Variants in PRRC2B observed in about 807,000 individuals in gnomAD.
PRRC2B encodes the protein proline rich coiled-coil 2B, also known as protein PRRC2B.
PRRC2B carries 68 observed loss-of-function variants against 242.3 expected under a neutral mutation model. The observed-to-expected ratio is 0.28, with a 90% confidence interval of 0.23 to 0.34. The LOEUF (loss-of-function observed/expected upper bound fraction) is 0.34, where lower values mean the gene tolerates loss of function less well. Among genes scored for constraint, PRRC2B ranks in the 10% least tolerant of loss-of-function variants. The pLI, the probability that PRRC2B is intolerant of heterozygous loss-of-function variation, is 1.00. For missense variants in PRRC2B, 2,835 were observed against 2,954.8 expected, an observed-to-expected ratio of 0.96 and a Z score of 0.94; for synonymous variants, 1,228 against 1,173.6, an observed-to-expected ratio of 1.05 and a Z score of -0.95.
intron 1 of PRRC2B, among the ~76,000 whole-genome samples, chr9:131,406,593 C>CT (rs1183991420): frequency 6.6e-6 from 1 of 152,152 alleles, no homozygotes; most frequent in African/African-American, 2.4e-5. Flanking sequence ...TCTTTTGCTC[C>CT]TTTAAGTCTC....
chr9:131,389,103 A>C (rs1179717308), upstream of PRRC2B, among the ~76,000 whole-genome samples: 4 of 149,344 alleles, frequency 2.7e-5, no homozygotes, highest in African/African-American at 9.8e-5. Context: ...TGGCCTCCCA[A>C]AGTGCTGGGA....
intron 15 of PRRC2B, 128 bp from the exon 16 acceptor site, chr9:131,474,326 C>T (rs752214527): frequency 2.0e-5 from 16 of 796,084 alleles, no homozygotes; most frequent in East Asian, 2.7e-5. Context: ...GTTTTTCTAG[C>T]TTTCTTTTTA....
chr9:131,457,319 G>T (rs1355507178), intron 10 of PRRC2B, among the ~76,000 whole-genome samples: 1 of 152,220 alleles, frequency 6.6e-6, no homozygotes, highest in African/African-American at 2.4e-5. Flanking sequence ...AACTCTTAGA[G>T]ACTGATTGGA....
At chr9:131,484,034 G>A (rs994521947) in intron 23 of PRRC2B, among the ~76,000 whole-genome samples, 1 of 152,232 alleles carries the variant, frequency 6.6e-6, no homozygotes, top group Middle Eastern at 3.2e-3. Context: ...GAATGTGAGT[G>A]CTGTACAATA....
At chr9:131,443,044 A>G (rs1347773764) in intron 5 of PRRC2B, among the ~76,000 whole-genome samples, 1 of 152,242 alleles carries the variant, frequency 6.6e-6, no homozygotes, top group Non-Finnish European at 1.5e-5. Context: ...ACTCATGTGT[A>G]TAAATCTAAT....
Position 131,465,072 on chromosome 9 carries a change from C to T in PRRC2B, c.1714C>T (p.His572Tyr), listed in dbSNP as rs779728998. ...ASPQENGPAV[H>Y]KGSPEFPAQE... Reference sequence around the variant, plus strand: ...TCCCCAGGAAAACGGCCCTGCTGTCCACAAAGGTAAGAGCTGGGCCGTCTT... The same window carrying T: ...TCCCCAGGAAAACGGCCCTGCTGTCTACAAAGGTAAGAGCTGGGCCGTCTT... The change falls in exon 12 of 32, where the codon CAC (histidine) becomes TAC (tyrosine). Residue 572 changes from histidine to tyrosine, a missense_variant. His to Tyr is a moderately conservative substitution (Grantham distance 83). Coordinates refer to ENST00000683519, the MANE Select transcript of PRRC2B (RefSeq NM_013318.4). 17 of 1,612,048 alleles carry T rather than the reference C, an allele frequency of 1.1e-5. No individual in the cohort carries two copies. Among genetic ancestry groups the T allele is most frequent in the Non-Finnish European group, 1.4e-5 (16 of 1,178,598 alleles).
intron 5 of PRRC2B, among the ~76,000 whole-genome samples, chr9:131,439,748 C>T (rs1220166387): frequency 6.6e-6 from 1 of 152,140 alleles, no homozygotes. Context: ...CCAGCTTCTC[C>T]CAAGGGGCTG....
At chr9:131,488,268 CCT>C (rs1491284598) in intron 28 of PRRC2B, among the ~76,000 whole-genome samples, 172 bp downstream of exon 28, 1 of 66,948 alleles carries the variant, frequency 1.5e-5, no homozygotes, top group Non-Finnish European at 3.5e-5. Context: ...AGCCCCATCA[CCT>C]TTTTTTTTTT....
At chr9:131,408,145 C>T (rs1263935585) in intron 1 of PRRC2B, among the ~76,000 whole-genome samples, 2 of 152,190 alleles carry the variant, frequency 1.3e-5, no homozygotes, top group African/African-American at 2.4e-5. Flanking sequence ...TGTTCTCTGC[C>T]TGTCTGGGCA....
chr9:131,439,297 C>T, intron 5 of PRRC2B, among the ~76,000 whole-genome samples: 1 of 152,176 alleles, frequency 6.6e-6, no homozygotes, highest in East Asian at 1.9e-4. Flanking sequence ...GCTGACTGGG[C>T]TGTGCTGCTG....
intron 1 of PRRC2B, among the ~76,000 whole-genome samples, chr9:131,404,943 A>C (rs1209201171): frequency 1.3e-5 from 2 of 152,108 alleles, no homozygotes; most frequent in African/African-American, 4.8e-5. Flanking sequence ...TGCAGTGTGG[A>C]CTCTTCAACT....
intron 18 of PRRC2B, 30 bp downstream of exon 18, chr9:131,478,649 G>GGGGGGGGGGGGGGGCCCGGGGC: frequency 2.0e-6 from 1 of 504,562 alleles, no homozygotes; most frequent in Non-Finnish European, 4.0e-6. Context: ...GGGGCATGGG[G>GGGGGGGGGGGGGGGCCCGGGGC]CTGGAGGGCA....
intron 19 of PRRC2B, among the ~76,000 whole-genome samples, chr9:131,480,601 A>G (rs970737231): frequency 2.6e-5 from 4 of 151,752 alleles, no homozygotes; most frequent in Non-Finnish European, 5.9e-5. Context: ...CTTGGATATT[A>G]AAATAGCATG....
chr9:131,466,763 G>A (rs1311887645), intron 12 of PRRC2B, among the ~76,000 whole-genome samples: 2 of 152,034 alleles, frequency 1.3e-5, no homozygotes, highest in Non-Finnish European at 2.9e-5. Context: ...GGGATTACAG[G>A]CGAGCGCCAC....
intron 9 of PRRC2B, among the ~76,000 whole-genome samples, chr9:131,450,275 T>G (rs1325002542): frequency 6.6e-6 from 1 of 152,048 alleles, no homozygotes; most frequent in Non-Finnish European, 1.5e-5. Context: ...AAATTTTTTT[T>G]TTTTTTTCCC....
At chr9:131,390,476 CTT>C (rs10688559), upstream of PRRC2B, among the ~76,000 whole-genome samples, 1 of 41,208 alleles carries the variant, frequency 2.4e-5, no homozygotes, top group Non-Finnish European at 4.1e-5. Context: ...CCTAGCTTGC[CTT>C]TTTTTTTTTT....
At position 131,485,107 on chromosome 9, in the gene PRRC2B, G is replaced by A. The variant is rs1315969562; in HGVS notation, c.5725G>A (p.Val1909Met). The change falls in exon 25 of 32, where the codon GTG (valine) becomes ATG (methionine). Residue 1909 changes from valine (V) to methionine (M), a missense_variant. By Grantham distance (21) the Val-to-Met change is conservative (BLOSUM62 1). Coordinates refer to ENST00000683519, the MANE Select transcript of PRRC2B (RefSeq NM_013318.4). ...FGGVSMPPMP[V>M]ASVAPSASMP... ...TGGAGTGTCCATGCCACCCATGCCTGTGGCCTCTGTAGCACCTTCTGCTTC... is the reference window on the plus strand; with the variant it reads ...TGGAGTGTCCATGCCACCCATGCCTATGGCCTCTGTAGCACCTTCTGCTTC... 2 of 1,599,650 alleles carry A rather than the reference G, an allele frequency of 1.3e-6. No individual in the cohort carries two copies. The highest frequency in any genetic ancestry group is 2.3e-5 in the East Asian group (1 of 44,270).
intron 1 of PRRC2B, among the ~76,000 whole-genome samples, chr9:131,416,631 T>TC (rs71501257): frequency 2.0e-5 from 3 of 151,654 alleles, no homozygotes; most frequent in Non-Finnish European, 2.9e-5. Flanking sequence ...CTTTTTTTTT[T>TC]CCGTTCTAGG....
Position 131,494,367 on chromosome 9 carries a change from CGTT to C in PRRC2B, c.6474-35_6474-33del, listed in dbSNP as rs1944274408. 2 of 1,090,114 alleles carry C rather than the reference CGTT, an allele frequency of 1.8e-6. No individual in the cohort carries two copies. The highest frequency in any genetic ancestry group is 1.4e-6 in the Non-Finnish European group (1 of 727,678). The allele number at this position is 1,090,114 out of a possible 1,614,324, so 67.5% of individuals were successfully genotyped here. A position where few individuals can be genotyped will look rare whatever the true frequency, so the allele number is the denominator to read the frequency against. ...CTTTGACTCCATTTCTGTGGTGACA[CGTT>C]GTGTATTCTCAACCCCTGCCTTTGG... On this transcript the variant is annotated intron_variant, in intron 30 of 31. Coordinates refer to ENST00000683519, the MANE Select transcript of PRRC2B (RefSeq NM_013318.4). This position sits in a 1 kb window ranked among gnomAD's most constrained non-coding sequence, Gnocchi z 4.3.
Sources: allele counts gnomAD v4.1 joint callset (sites outside exome capture counted in the v4.1 genomes callset), GRCh38; gene constraint gnomAD v4.1.1; non-coding constraint Gnocchi (gnomAD v3.1); transcripts MANE v1.5; gene names NCBI Gene and HGNC (gene_info 2026-07-23, HGNC 2026-07-21).